SLC24A2: variants seen among roughly 807,000 people sequenced by gnomAD.
SLC24A2 encodes the protein sodium/potassium/calcium exchanger 2.
SLC24A2 carries 36 observed loss-of-function variants against 62.0 expected under a neutral mutation model. The observed-to-expected ratio is 0.58, with a 90% confidence interval of 0.44 to 0.77. The LOEUF is 0.77. Ranked by LOEUF, SLC24A2 falls within the 30% of genes least tolerant of loss-of-function variation. The probability of loss-of-function intolerance (pLI) is 0.00; values close to 1 mark genes in which losing one functional copy is unlikely to be tolerated. For synonymous variants in SLC24A2, 358 were observed against 294.0 expected (o/e 1.22, Z -2.23); for missense variants, 846 against 817.9 (o/e 1.03, Z -0.42).
intron 8 of SLC24A2, among the ~76,000 whole-genome samples, chr9:19,538,815 C>T (rs1259740141): frequency 9.2e-6 from 1 of 108,196 alleles, no homozygotes; most frequent in African/African-American, 3.7e-5. Context: ...TAGAATTCGG[C>T]TGTGAATCCA....
At chr9:19,950,596 C>T in the SLC24A2 span, among the ~76,000 whole-genome samples, 2 of 152,162 alleles carry the variant, frequency 1.3e-5, no homozygotes, top group African/African-American at 2.4e-5. Flanking sequence ...TATTCATATT[C>T]GATGAACATT....
At chr9:20,100,770 A>C in the SLC24A2 span, among the ~76,000 whole-genome samples, 9 of 152,112 alleles carry the variant, frequency 5.9e-5, no homozygotes, top group African/African-American at 2.2e-4. Flanking sequence ...TATTTATTTA[A>C]ATTCCTTCTA....
At chr9:20,232,002 T>A in the SLC24A2 span, among the ~76,000 whole-genome samples, 1 of 152,248 alleles carries the variant, frequency 6.6e-6, no homozygotes, top group South Asian at 2.1e-4. Context: ...TCATGTGGTT[T>A]TTGTCTTTGG....
chr9:19,728,464 G>A (rs567018207), intron 2 of SLC24A2, among the ~76,000 whole-genome samples: 57 of 151,696 alleles, frequency 3.8e-4, no homozygotes, highest in Non-Finnish European at 6.2e-4. Context: ...GCTTCAGGTC[G>A]GTAATGCAGT....
chr9:19,615,994 G>GCACACACACACA (rs3220155), intron 4 of SLC24A2, among the ~76,000 whole-genome samples: 5 of 140,796 alleles, frequency 3.6e-5, no homozygotes, highest in East Asian at 2.1e-4. Context: ...TCACAGGCGT[G>GCACACACACACA]CACACACACA....
chr9:19,523,931 G>A (rs1833312814), intron 9 of SLC24A2, among the ~76,000 whole-genome samples: 1 of 152,016 alleles, frequency 6.6e-6, no homozygotes, highest in African/African-American at 2.4e-5. Flanking sequence ...AATCTGTGTG[G>A]CTCTAGAAAG....
chr9:20,285,834 A>T, the SLC24A2 span, among the ~76,000 whole-genome samples: 1 of 152,218 alleles, frequency 6.6e-6, no homozygotes, highest in Non-Finnish European at 1.5e-5. Context: ...ACACCAAGGA[A>T]GGGCATGCAC....
At chr9:19,992,473 C>A in the SLC24A2 span, among the ~76,000 whole-genome samples, 1 of 152,178 alleles carries the variant, frequency 6.6e-6, no homozygotes, top group Non-Finnish European at 1.5e-5. Context: ...GAAACCAAAT[C>A]ATTTTATATA....
At chr9:20,136,856 T>G in the SLC24A2 span, among the ~76,000 whole-genome samples, 1 of 152,168 alleles carries the variant, frequency 6.6e-6, no homozygotes, top group African/African-American at 2.4e-5. Context: ...AAAATGTGTC[T>G]AAACACATTT....
the SLC24A2 span, among the ~76,000 whole-genome samples, chr9:19,975,533 T>C: frequency 1.3e-5 from 2 of 152,334 alleles, no homozygotes; most frequent in East Asian, 1.9e-4. Context: ...GCACTTCTAT[T>C]TCCTCATCTG....
At chr9:20,071,238 T>A in the SLC24A2 span, among the ~76,000 whole-genome samples, 10 of 152,256 alleles carry the variant, frequency 6.6e-5, no homozygotes, top group East Asian at 1.9e-4. Flanking sequence ...TAGTTTTTTT[T>A]ATAACAGTGT....
At chr9:19,605,404 T>A (rs1836956781) in intron 4 of SLC24A2, among the ~76,000 whole-genome samples, 1 of 152,194 alleles carries the variant, frequency 6.6e-6, no homozygotes, top group South Asian at 2.1e-4. Context: ...GAGTTAAGTA[T>A]CATGTGACAT....
the SLC24A2 span, among the ~76,000 whole-genome samples, chr9:19,827,267 G>A: frequency 6.6e-6 from 1 of 152,072 alleles, no homozygotes; most frequent in African/African-American, 2.4e-5. Context: ...GCTCTGATTA[G>A]GTTCAATATT....
chr9:19,550,400 ATG>A, intron 7 of SLC24A2, 132 bp from the exon 8 acceptor site: 1 of 837,422 alleles, frequency 1.2e-6, no homozygotes, highest in Non-Finnish European at 1.9e-6. Context: ...GTAGCTTCAT[ATG>A]TGTGATTTTG....
At chr9:20,068,861 T>C in the SLC24A2 span, among the ~76,000 whole-genome samples, 1 of 152,122 alleles carries the variant, frequency 6.6e-6, no homozygotes, top group Non-Finnish European at 1.5e-5. Context: ...CCCTACTCAT[T>C]TTTCTGGTTT....
chr9:19,543,876 C>T (rs201525241), intron 8 of SLC24A2, among the ~76,000 whole-genome samples: 42 of 152,128 alleles, frequency 2.8e-4, no homozygotes, highest in South Asian at 1.5e-3. Flanking sequence ...AGAATAAGTG[C>T]GATGAGGTGC....
At chr9:20,120,949 C>G in the SLC24A2 span, among the ~76,000 whole-genome samples, 1 of 150,148 alleles carries the variant, frequency 6.7e-6, no homozygotes, top group African/African-American at 2.5e-5. Context: ...ATATATAGGC[C>G]TATTTGCAAA....
intron 2 of SLC24A2, among the ~76,000 whole-genome samples, chr9:19,709,275 G>A (rs1007474548): frequency 2.0e-5 from 3 of 151,976 alleles, no homozygotes; most frequent in Non-Finnish European, 2.9e-5. Flanking sequence ...GAGAGGATGT[G>A]GAGAAATAGG....
chr9:19,668,642 G>C (rs1008455172), intron 2 of SLC24A2, among the ~76,000 whole-genome samples: 2 of 152,110 alleles, frequency 1.3e-5, no homozygotes, highest in African/African-American at 2.4e-5. Flanking sequence ...CAGGCTCAAA[G>C]TATCCGCCTG....
Sources: allele counts gnomAD v4.1 joint callset (sites outside exome capture counted in the v4.1 genomes callset), GRCh38; gene constraint gnomAD v4.1.1; transcripts MANE v1.5; gene names NCBI Gene and HGNC (gene_info 2026-07-23, HGNC 2026-07-21).